DMD: variants seen among roughly 807,000 people sequenced by gnomAD.
The protein encoded by DMD is dystrophin.
A neutral mutation model predicts 330.1 loss-of-function variants in DMD; 63 were observed. The observed-to-expected ratio is 0.19, with a 90% CI of 0.16 to 0.24. The LOEUF (loss-of-function observed/expected upper bound fraction) is 0.24. Among genes scored for constraint, DMD ranks in the 10% least tolerant of loss-of-function variants. DMD has a pLI of 1.00. For synonymous variants in DMD, 1,223 were observed against 959.8 expected (o/e 1.27, Z -5.07); for missense variants, 3,344 against 2,684.1 (o/e 1.25, Z -5.43).
chrX:33,262,197 G>T (rs1230611302), intron 1 of DMD, among the ~76,000 whole-genome samples: 2 of 111,287 alleles, frequency 1.8e-5, no homozygotes, highest in Admixed American at 1.9e-4. Flanking sequence ...CAATTTTAAA[G>T]AAATAAACAG....
chrX:33,096,442 TA>T (rs1400162254), intron 1 of DMD, among the ~76,000 whole-genome samples: 1 of 111,449 alleles, frequency 9.0e-6, no homozygotes, highest in Admixed American at 9.6e-5. Flanking sequence ...ATCTATAAGT[TA>T]AAATGTTTCA....
chrX:32,180,611 A>G (rs1603627758), intron 44 of DMD, among the ~76,000 whole-genome samples: 1 of 111,218 alleles, frequency 9.0e-6, no homozygotes, highest in Non-Finnish European at 1.9e-5. Context: ...GTCCATTTTC[A>G]TACTGCTATA....
At chrX:33,311,381 A>G (rs1029848850) in intron 1 of DMD, among the ~76,000 whole-genome samples, 4 of 110,408 alleles carry the variant, frequency 3.6e-5, no homozygotes, top group Non-Finnish European at 7.6e-5. Context: ...TACCACAGAT[A>G]TATTCCTAGG....
At position 31,556,960 on chromosome X, in the gene DMD, AT is replaced by A. The variant is rs1368368932; in HGVS notation, c.8218-49508del. ...ATTTACTGCCCATTTGTTTAAAGGC[AT>A]TCTGCTAGATACTGCAGGGGGCTAC... On this transcript the variant is annotated intron_variant, in intron 55 of 78. Transcript: ENST00000357033. Among the ~76,000 whole-genome samples the A allele has an allele frequency of 1.3e-4, 15 of 112,446 alleles. No homozygotes were observed. The South Asian group carries it at 5.2e-3, about 39-fold the overall frequency.
At chrX:33,305,131 G>A (rs1162991898) in intron 1 of DMD, among the ~76,000 whole-genome samples, 5 of 108,456 alleles carry the variant, frequency 4.6e-5, no homozygotes, top group African/African-American at 1.3e-4. Flanking sequence ...TGTTCATTGC[G>A]GCACTATTCA....
rs186181898 is a variant in DMD, at chrX:32,886,073, T to C, written c.94-36253A>G. ...AACATATGTAGATAAAAGTGTATCA[T>C]ATATAAAACATTCAATCCCACATGG... On this transcript the variant is annotated intron_variant, in intron 2 of 78. Transcript: ENST00000357033. 4.5e-5 allele frequency among the ~76,000 whole-genome samples: 5 copies of C among 111,475 alleles called. No individual in the cohort carries two copies. The East Asian group carries it at 1.4e-3, about 32-fold the overall frequency.
chrX:32,976,685 G>C (rs5928127), intron 2 of DMD, among the ~76,000 whole-genome samples: 38,563 of 110,089 alleles, frequency 0.35, 4,928 homozygotes, highest in Non-Finnish European at 0.39. Context: ...AGCATTTCGA[G>C]CTGTCTACTT....
At chrX:31,563,110 G>A (rs1283316946) in intron 55 of DMD, among the ~76,000 whole-genome samples, 1 of 110,788 alleles carries the variant, frequency 9.0e-6, no homozygotes, top group Admixed American at 9.6e-5. Flanking sequence ...TGTTGCCCAG[G>A]CTGGAGTACA....
chrX:31,785,150 T>C lies in DMD; in HGVS notation c.7310-10958A>G, dbSNP rs1292375832. On this transcript the variant is annotated intron_variant, in intron 50 of 78. Transcript: ENST00000357033. ...TCCTATGCTACAACATGGGTGTACCTTGAAGACATTATGCTAAGTGAAATA... is the reference window on the plus strand; with the variant it reads ...TCCTATGCTACAACATGGGTGTACCCTGAAGACATTATGCTAAGTGAAATA... Among the ~76,000 whole-genome samples, 3 of 112,378 alleles carry C rather than the reference T, an allele frequency of 2.7e-5. No homozygotes were observed. In the South Asian group the frequency reaches 1.1e-3, roughly 41 times the overall value.
intron 25 of DMD, among the ~76,000 whole-genome samples, chrX:32,457,865 C>A (rs1162314141): frequency 9.1e-6 from 1 of 109,540 alleles, no homozygotes; most frequent in Non-Finnish European, 1.9e-5. Flanking sequence ...TTATTGATAA[C>A]TATTTACTAT....
At chrX:32,690,240 G>C (rs1693513821) in intron 9 of DMD, among the ~76,000 whole-genome samples, 1 of 110,939 alleles carries the variant, frequency 9.0e-6, no homozygotes, top group South Asian at 3.7e-4. Context: ...AATTAGTTGA[G>C]TTTCTAGGAG....
At chrX:33,224,618 A>T (rs191597552) in intron 1 of DMD, among the ~76,000 whole-genome samples, 2 of 111,556 alleles carry the variant, frequency 1.8e-5, no homozygotes, top group Admixed American at 9.6e-5. Flanking sequence ...CAGTGAAACT[A>T]CTCTGTATGA....
At chrX:31,572,114 T>G (rs1211658032) in intron 55 of DMD, among the ~76,000 whole-genome samples, 1 of 110,557 alleles carries the variant, frequency 9.0e-6, no homozygotes, top group African/African-American at 3.3e-5. Flanking sequence ...AACCTTCACA[T>G]GTACCCCACA....
At chrX:31,845,425 C>CTCTT (rs35394288) in intron 48 of DMD, among the ~76,000 whole-genome samples, 3 of 100,749 alleles carry the variant, frequency 3.0e-5, no homozygotes, top group Non-Finnish European at 6.1e-5. Context: ...CTCTCTCTCT[C>CTCTT]CCTCTCCTCC....
At chrX:31,970,786 A>G (rs1191131882) in intron 44 of DMD, among the ~76,000 whole-genome samples, 1 of 111,328 alleles carries the variant, frequency 9.0e-6, no homozygotes, top group Non-Finnish European at 1.9e-5. Flanking sequence ...TTAAGGCAAC[A>G]TGAACTATTA....
At chrX:31,959,769 G>GT (rs201621257) in intron 45 of DMD, among the ~76,000 whole-genome samples, 7,029 of 80,692 alleles carry the variant, frequency 0.087, 510 homozygotes, top group African/African-American at 0.17. Flanking sequence ...CAGCACCGTG[G>GT]TTTTTTTTTT....
chrX:31,191,667 G>A (rs141348107), intron 67 of DMD, among the ~76,000 whole-genome samples: 112 of 111,839 alleles, frequency 1.0e-3, no homozygotes, highest in East Asian at 4.8e-3. Flanking sequence ...TGATTGTGAG[G>A]CCTCCCCAGC....
chrX:32,987,294 A>C (rs1174778370), intron 2 of DMD, among the ~76,000 whole-genome samples: 1 of 111,615 alleles, frequency 9.0e-6, no homozygotes, highest in East Asian at 2.8e-4. Context: ...GCTTCAGCAG[A>C]AGCTCCCCAC....
At chrX:32,519,394 C>A (rs1183931019) in intron 17 of DMD, among the ~76,000 whole-genome samples, 1 of 110,202 alleles carries the variant, frequency 9.1e-6, no homozygotes, top group Admixed American at 9.7e-5. Context: ...ATTTGAAATC[C>A]GCTCTTTAAA....
Sources: allele counts gnomAD v4.1 joint callset (sites outside exome capture counted in the v4.1 genomes callset), GRCh38; gene constraint gnomAD v4.1.1; transcripts MANE v1.5; gene names NCBI Gene and HGNC (gene_info 2026-07-23, HGNC 2026-07-21).